CTNNA3: variants seen among roughly 807,000 people sequenced by gnomAD.
The protein encoded by CTNNA3 is catenin alpha 3.
A neutral mutation model predicts 95.7 loss-of-function variants in CTNNA3; 76 were observed. The observed-to-expected ratio is 0.79, with a 90% CI of 0.66 to 0.96. The LOEUF is 0.96. CTNNA3 is among the 40% of genes least tolerant of loss of function. CTNNA3 has a pLI of 0.00. For synonymous variants in CTNNA3, 431 were observed against 374.4 expected (o/e 1.15, Z -1.74); for missense variants, 1,191 against 1,089.8 (o/e 1.09, Z -1.31).
intron 13 of CTNNA3, among the ~76,000 whole-genome samples, chr10:66,114,472 G>A (rs773281780): frequency 2.7e-4 from 41 of 149,778 alleles, no homozygotes; most frequent in East Asian, 3.9e-4. Context: ...ATATATGTGC[G>A]TATATGTATA....
chr10:67,521,705 A>T (rs1312932877), intron 5 of CTNNA3, 137 bp downstream of exon 5: 3 of 1,090,634 alleles, frequency 2.8e-6, no homozygotes, highest in Non-Finnish European at 3.9e-6. Flanking sequence ...AACACAGCAG[A>T]TCAGCACAGC....
intron 9 of CTNNA3, 25 bp downstream of exon 9, chr10:66,766,239 T>A: frequency 1.2e-6 from 2 of 1,607,866 alleles, no homozygotes. Flanking sequence ...TGGACTTTAG[T>A]GAGTTACAGT....
intron 7 of CTNNA3, among the ~76,000 whole-genome samples, chr10:66,781,017 A>G (rs529228453): frequency 1.3e-5 from 2 of 152,296 alleles, no homozygotes; most frequent in East Asian, 3.9e-4. Flanking sequence ...ATGTGTGTGT[A>G]ATACGAAGCT....
intron 14 of CTNNA3, among the ~76,000 whole-genome samples, chr10:66,101,945 A>G (rs1382262743): frequency 1.3e-5 from 2 of 152,174 alleles, no homozygotes; most frequent in East Asian, 3.9e-4. Flanking sequence ...ATAGATTACA[A>G]TAGAATATCA....
At chr10:67,518,512 T>C (rs1415400918) in intron 5 of CTNNA3, among the ~76,000 whole-genome samples, 1 of 152,174 alleles carries the variant, frequency 6.6e-6, no homozygotes, top group Non-Finnish European at 1.5e-5. Flanking sequence ...AATTTAATTT[T>C]ACATATTTTT....
chr10:66,488,404 C>T (rs1344528146), intron 11 of CTNNA3, among the ~76,000 whole-genome samples: 1 of 152,088 alleles, frequency 6.6e-6, no homozygotes, highest in African/African-American at 2.4e-5. Context: ...CAGTGAGAGC[C>T]CACTTCTAAA....
chr10:66,769,481 T>C (rs1053552171), intron 8 of CTNNA3, among the ~76,000 whole-genome samples: 10 of 152,272 alleles, frequency 6.6e-5, no homozygotes, highest in Non-Finnish European at 8.8e-5. Context: ...AACTACATTA[T>C]AGACTTTTGG....
At chr10:67,684,119 G>A (rs1840682624) in intron 1 of CTNNA3, among the ~76,000 whole-genome samples, 1 of 152,226 alleles carries the variant, frequency 6.6e-6, no homozygotes. Context: ...ACATCCTGCT[G>A]ATTGGTCCAT....
At chr10:67,483,946 T>C (rs1848348598) in intron 5 of CTNNA3, among the ~76,000 whole-genome samples, 1 of 152,096 alleles carries the variant, frequency 6.6e-6, no homozygotes, top group South Asian at 2.1e-4. Flanking sequence ...AAACTGCCAA[T>C]GACATTTTTC....
At chr10:67,720,919 A>G (rs1262966467) in intron 1 of CTNNA3, among the ~76,000 whole-genome samples, 1 of 152,162 alleles carries the variant, frequency 6.6e-6, no homozygotes, top group Admixed American at 6.5e-5. Context: ...ATGCCACTGC[A>G]ATCCAGCCTG....
chr10:67,666,819 C>A (rs1201758357), intron 1 of CTNNA3, among the ~76,000 whole-genome samples: 3 of 152,094 alleles, frequency 2.0e-5, no homozygotes, highest in African/African-American at 7.2e-5. Context: ...CTGTATCACA[C>A]TACCATTATT....
intron 12 of CTNNA3, among the ~76,000 whole-genome samples, chr10:66,362,362 A>G: frequency 6.6e-6 from 1 of 150,752 alleles, no homozygotes. Flanking sequence ...CGGCCTCCCA[A>G]AGTGCTGGGA....
intron 17 of CTNNA3, among the ~76,000 whole-genome samples, chr10:65,935,068 A>C (rs1278687533): frequency 1.3e-5 from 2 of 152,128 alleles, no homozygotes; most frequent in Non-Finnish European, 2.9e-5. Flanking sequence ...GACATGTACA[A>C]GCCAGTGCAA....
At chr10:66,776,199 A>G (rs903171455) in intron 7 of CTNNA3, among the ~76,000 whole-genome samples, 2 of 152,146 alleles carry the variant, frequency 1.3e-5, no homozygotes, top group African/African-American at 4.8e-5. Flanking sequence ...TATTTTCTAC[A>G]TATTATTTTT....
At chr10:66,819,092 TAAAAAAAA>T (rs35494489) in intron 7 of CTNNA3, among the ~76,000 whole-genome samples, 1 of 110,726 alleles carries the variant, frequency 9.0e-6, no homozygotes, top group Non-Finnish European at 1.8e-5. Context: ...ACTCTTGTCT[TAAAAAAAA>T]AAAAAAAAAA....
rs371761213 is a variant in CTNNA3 at position 67,047,430 on chromosome 10, A to G, written c.1047+132887T>C. On this transcript the variant is annotated intron_variant, in intron 7 of 17. Coordinates refer to ENST00000433211, the MANE Select transcript of CTNNA3 (RefSeq NM_013266.4). ...CAATGAAAGGATAGTGCTAAGTGTG[A>G]AAGAAAAACATTAAGGAAAGGAGTC... 1.4e-4 allele frequency among the ~76,000 whole-genome samples: 22 copies of G among 152,310 alleles called. No individual in the cohort carries two copies. The South Asian group carries it at 3.9e-3, about 27-fold the overall frequency.
intron 13 of CTNNA3, among the ~76,000 whole-genome samples, chr10:66,141,819 G>A (rs1053049616): frequency 3.3e-5 from 5 of 152,100 alleles, no homozygotes; most frequent in African/African-American, 7.2e-5. Flanking sequence ...CTGTCTATTC[G>A]AATTCAAGCA....
chr10:67,240,330 C>A (rs1564505306), intron 5 of CTNNA3, among the ~76,000 whole-genome samples: 1 of 152,128 alleles, frequency 6.6e-6, no homozygotes, highest in East Asian at 1.9e-4. Context: ...TGGGCAGCTT[C>A]ATGTTCTATT....
chr10:66,213,472 C>A (rs563821245), intron 13 of CTNNA3, among the ~76,000 whole-genome samples: 4 of 152,232 alleles, frequency 2.6e-5, no homozygotes, highest in African/African-American at 9.6e-5. Context: ...AAAGTTAGAA[C>A]ATTGTACTAG....
Sources: gnomAD v4.1 joint callset for allele counts (sites outside exome capture counted in the v4.1 genomes callset) on GRCh38, gnomAD v4.1.1 for gene constraint, MANE v1.5 for transcripts, NCBI Gene and HGNC (gene_info 2026-07-23, HGNC 2026-07-21) for gene names.